Variants in SND1 observed in about 807,000 individuals in gnomAD.
SND1 encodes the protein staphylococcal nuclease and tudor domain containing 1.
In SND1, 38 loss-of-function variants were observed where a neutral mutation model predicts 121.7. That is an observed-to-expected ratio of 0.31 (90% CI 0.24 to 0.41). The LOEUF (loss-of-function observed/expected upper bound fraction) is 0.41. Ranked by LOEUF, SND1 falls within the 10% of genes least tolerant of loss-of-function variation. SND1 has a pLI of 1.00. For synonymous variants in SND1, 401 were observed against 447.4 expected (o/e 0.90, Z 1.31); for missense variants, 868 against 1,184.6 (o/e 0.73, Z 3.92).
chr7:127,856,466 G>A (rs1799275930), intron 12 of SND1, among the ~76,000 whole-genome samples: 1 of 152,200 alleles, frequency 6.6e-6, no homozygotes. Context: ...TCTGCCTTTA[G>A]TGAAAATGTG....
At chr7:127,697,820 C>T (rs897179092) in intron 3 of SND1, among the ~76,000 whole-genome samples, 5 of 152,004 alleles carry the variant, frequency 3.3e-5, no homozygotes, top group African/African-American at 1.2e-4. Flanking sequence ...TTGCAGAGGT[C>T]GATGTGTAGT....
At chr7:128,033,711 C>G (rs1026626514) in intron 16 of SND1, among the ~76,000 whole-genome samples, 1 of 152,178 alleles carries the variant, frequency 6.6e-6, no homozygotes, top group Admixed American at 6.5e-5. Context: ...TTATTGAACC[C>G]TTACTCTGTA....
intron 17 of SND1, among the ~76,000 whole-genome samples, chr7:128,076,302 G>C (rs1201371956): frequency 6.6e-6 from 1 of 152,212 alleles, no homozygotes; most frequent in Non-Finnish European, 1.5e-5. Flanking sequence ...CATTTTGCTG[G>C]TGCCACTTGA....
At chr7:127,754,432 A>G (rs1797157951) in intron 10 of SND1, among the ~76,000 whole-genome samples, 1 of 152,212 alleles carries the variant, frequency 6.6e-6, no homozygotes, top group Admixed American at 6.5e-5. Context: ...CTTTATAACA[A>G]TAGAGGTTTA....
chr7:127,750,828 T>A (rs530192368), intron 10 of SND1, among the ~76,000 whole-genome samples: 56 of 152,286 alleles, frequency 3.7e-4, no homozygotes, highest in Non-Finnish European at 7.2e-4. Context: ...TTGCAGCAAA[T>A]AATTTCAGCT....
chr7:127,707,823 G>T (rs1434362173), intron 9 of SND1, among the ~76,000 whole-genome samples, 176 bp downstream of exon 9: 1 of 147,700 alleles, frequency 6.8e-6, no homozygotes, highest in Non-Finnish European at 1.5e-5. Context: ...TTATTGTAGG[G>T]GGTTTAGAAA....
intron 15 of SND1, among the ~76,000 whole-genome samples, chr7:127,950,432 A>G (rs1801435730): frequency 6.6e-6 from 1 of 152,220 alleles, no homozygotes; most frequent in Non-Finnish European, 1.5e-5. Flanking sequence ...TGTGCCTCTT[A>G]TCCGGTGACA....
intron 11 of SND1, among the ~76,000 whole-genome samples, chr7:127,810,498 C>A (rs761039542): frequency 9.2e-5 from 14 of 152,272 alleles, no homozygotes; most frequent in Middle Eastern, 3.4e-3. Flanking sequence ...GTGTTAATTT[C>A]TTCACAGGCT....
In SND1 at chr7:127,899,208, C is replaced by CA. The variant is rs1250939205; in HGVS notation, c.1455-5538dup. ...CTAGATACAGAAATAAAGATTAACA[C>CA]ATGAAACAATTTGAAAGTCATATGT... On this transcript the variant is annotated intron_variant, in intron 13 of 23. Coordinates refer to ENST00000354725, the MANE Select transcript of SND1 (RefSeq NM_014390.4). 2.0e-5 allele frequency among the ~76,000 whole-genome samples: 3 copies of CA among 152,190 alleles called. No individual in the cohort carries two copies. The East Asian group carries it at 5.8e-4, about 29-fold the overall frequency.
At chr7:127,906,770 C>T (rs1327306504) in intron 14 of SND1, among the ~76,000 whole-genome samples, 2 of 152,158 alleles carry the variant, frequency 1.3e-5, no homozygotes, top group African/African-American at 4.8e-5. Flanking sequence ...CCTCTCCACA[C>T]CCCTCAGTGT....
intron 5 of SND1, among the ~76,000 whole-genome samples, chr7:127,701,960 T>G (rs1460772601): frequency 1.3e-5 from 2 of 152,214 alleles, no homozygotes; most frequent in African/African-American, 4.8e-5. Context: ...TTTCTGAATA[T>G]TTTTGACCTG....
intron 11 of SND1, among the ~76,000 whole-genome samples, chr7:127,809,950 A>T (rs1406693607): frequency 6.6e-6 from 1 of 152,190 alleles, no homozygotes; most frequent in Non-Finnish European, 1.5e-5. Flanking sequence ...AACCGGGACT[A>T]TTACTTGCTT....
chr7:127,828,378 G>A (rs1055027508), intron 11 of SND1, among the ~76,000 whole-genome samples: 1 of 151,976 alleles, frequency 6.6e-6, no homozygotes, highest in African/African-American at 2.4e-5. Flanking sequence ...TCTTTCAGTG[G>A]TGGGGCTTTG....
At chr7:128,033,987 A>G (rs1342417743) in intron 16 of SND1, among the ~76,000 whole-genome samples, 4 of 152,210 alleles carry the variant, frequency 2.6e-5, no homozygotes, top group Non-Finnish European at 5.9e-5. Context: ...TCATTTACCC[A>G]GTGAAAGTAA....
chr7:127,808,017 C>T (rs937113486), intron 11 of SND1, among the ~76,000 whole-genome samples: 2 of 152,012 alleles, frequency 1.3e-5, no homozygotes, highest in South Asian at 4.2e-4. Context: ...AAGAGCACGC[C>T]TATTGTAATG....
intron 12 of SND1, among the ~76,000 whole-genome samples, chr7:127,870,311 A>T (rs907282633): frequency 6.6e-6 from 1 of 152,180 alleles, no homozygotes; most frequent in Admixed American, 6.6e-5. Context: ...GGTTTTATTG[A>T]CATATTGCTG....
At chr7:127,959,618 A>C (rs922137049) in intron 15 of SND1, among the ~76,000 whole-genome samples, 1 of 152,142 alleles carries the variant, frequency 6.6e-6, no homozygotes, top group Admixed American at 6.5e-5. Flanking sequence ...CTTTCTCAAT[A>C]AATGTTTCTC....
chr7:127,820,644 CCTTT>C (rs773752698), intron 11 of SND1, among the ~76,000 whole-genome samples: 5 of 152,102 alleles, frequency 3.3e-5, no homozygotes, highest in Non-Finnish European at 7.4e-5. Flanking sequence ...ACTTCCCCTT[CCTTT>C]CTTTCTCTCT....
chr7:127,676,027 T>C (rs934941299), intron 1 of SND1, among the ~76,000 whole-genome samples: 7 of 152,208 alleles, frequency 4.6e-5, no homozygotes, highest in Non-Finnish European at 8.8e-5. Context: ...AAGTTTTCGA[T>C]TGTGAAGTCT....
Sources: allele counts gnomAD v4.1 joint callset (sites outside exome capture counted in the v4.1 genomes callset), GRCh38; gene constraint gnomAD v4.1.1; transcripts MANE v1.5; gene names NCBI Gene and HGNC (gene_info 2026-07-23, HGNC 2026-07-21).